The following KIF2A variants were observed in gnomAD, a reference collection of about 807,000 sequenced individuals.
KIF2A encodes kinesin-like protein KIF2A.
In KIF2A, 22 loss-of-function variants were observed where a neutral mutation model predicts 100.2. That is an observed-to-expected ratio of 0.22 (90% confidence interval 0.16 to 0.31). The LOEUF (loss-of-function observed/expected upper bound fraction) is 0.31, where lower values mean the gene tolerates loss of function less well. Ranked by LOEUF, KIF2A falls within the 10% of genes least tolerant of loss-of-function variation. The pLI, the probability that KIF2A is intolerant of heterozygous loss-of-function variation, is 1.00. For synonymous variants in KIF2A, 268 were observed against 285.9 expected, an observed-to-expected ratio of 0.94 and a Z score of 0.63; for missense variants, 495 against 898.7, an observed-to-expected ratio of 0.55 and a Z score of 5.74.
rs1002289307 is a variant in KIF2A, at chr5:62,385,468, CT to C, written c.2150-12del. On this transcript the variant is annotated splice_polypyrimidine_tract_variant and intron_variant, in intron 20 of 20. Coordinates refer to ENST00000407818, the MANE Select transcript of KIF2A (RefSeq NM_001098511.3). The stretch of plus-strand genomic sequence containing the variant: ...GTAATACAATACTTATTCCCTCTTT[CT>C]TTTCTTTTTCCAAGATAAAGTGAAA... The C allele has an allele frequency of 1.3e-6, 2 of 1,544,470 alleles. No individual in the cohort carries two copies. The highest frequency in any genetic ancestry group is 2.7e-5 in the African/African-American group (2 of 72,990).
intron 1 of KIF2A, chr5:62,308,320 T>C: frequency 7.1e-7 from 1 of 1,413,542 alleles, no homozygotes; most frequent in South Asian, 1.5e-5. Flanking sequence ...TAAATACGAG[T>C]TCACAGTATA....
intron 1 of KIF2A, among the ~76,000 whole-genome samples, chr5:62,307,922 T>A (rs1740148982): frequency 6.6e-6 from 1 of 152,132 alleles, no homozygotes; most frequent in Non-Finnish European, 1.5e-5. Flanking sequence ...CTGGCCTCGA[T>A]TCCTTTTATG....
At chr5:62,341,026 T>C (rs10074357) in intron 1 of KIF2A, among the ~76,000 whole-genome samples, 2 of 151,878 alleles carry the variant, frequency 1.3e-5, no homozygotes, top group Non-Finnish European at 2.9e-5. Context: ...GTTATCTGAT[T>C]AATTGGCAAA....
intron 1 of KIF2A, among the ~76,000 whole-genome samples, chr5:62,334,225 A>C (rs1746809725): frequency 6.6e-6 from 1 of 151,502 alleles, no homozygotes; most frequent in Non-Finnish European, 1.5e-5. Flanking sequence ...CAGTACCTCC[A>C]ATTTGACTCA....
chr5:62,372,511 CCTT>C lies in KIF2A; in HGVS notation c.1724_1726del (p.Ser575del), dbSNP rs2111983088. The stretch of plus-strand genomic sequence containing the variant: ...TAGTGGCAGTCGCCCTGATCTCTCT[CCTT>C]CTTATGAATATGACGACTTTTCTCC... On this transcript the variant is annotated inframe_deletion, in exon 17 of 21. Transcript: ENST00000407818. 10 of 1,612,416 alleles carry C rather than the reference CCTT, an allele frequency of 6.2e-6. No individual in the cohort carries two copies. The highest frequency in any genetic ancestry group is 8.5e-6 in the Non-Finnish European group (10 of 1,178,718).
In KIF2A at chr5:62,352,600, C is replaced by A; in HGVS notation, c.347C>A (p.Ala116Glu). 3 of 1,576,516 alleles carry A rather than the reference C, an allele frequency of 1.9e-6. No homozygotes were observed. The highest frequency in any genetic ancestry group is 2.6e-6 in the Non-Finnish European group (3 of 1,160,214). Residue 116 changes from alanine to glutamate, a missense_variant, in exon 5 of 21, where the codon GCA becomes GAA. By Grantham distance (107) the Ala-to-Glu change is moderately radical. Coordinates refer to ENST00000407818, the MANE Select transcript of KIF2A (RefSeq NM_001098511.3). ...PSRDNRVVGS[A>E]RARPSQFPEQ... ...TTTTTACTTACAGTGGTTGGTTCAGCACGTGCACGGCCCAGTCAATTTCCT... is the reference window on the plus strand; with the variant it reads ...TTTTTACTTACAGTGGTTGGTTCAGAACGTGCACGGCCCAGTCAATTTCCT...
In KIF2A at chr5:62,353,408, A is replaced by G. The variant is rs200784447; in HGVS notation, c.558+33A>G. ...ACATAAACATATATTTTGTTTATGT[A>G]CCAACCAGAGATTAGATTATATCAG... is the stretch of plus-strand genomic sequence containing the variant. On this transcript the variant is annotated intron_variant, in intron 6 of 20. Coordinates refer to ENST00000407818, the MANE Select transcript of KIF2A (RefSeq NM_001098511.3). 7.0e-4 allele frequency: 786 copies of G among 1,115,308 alleles called. 1 individual carries two copies. The highest frequency in any genetic ancestry group is 8.6e-4 in the Non-Finnish European group (683 of 791,152). 69.1% of individuals were successfully genotyped at this position (1,115,308 alleles called of 1,614,324 possible). A position where few individuals can be genotyped will look rare whatever the true frequency, so the allele number is the denominator to read the frequency against.
intron 1 of KIF2A, among the ~76,000 whole-genome samples, chr5:62,321,625 T>C (rs184778168): frequency 3.5e-4 from 53 of 152,340 alleles, no homozygotes; most frequent in African/African-American, 1.2e-3. Flanking sequence ...TGCAATGGTG[T>C]GATGTCAGTT....
rs1339507746 is a variant in KIF2A, at chr5:62,330,297, A to G, written c.65-16833A>G. Among the ~76,000 whole-genome samples the G allele has an allele frequency of 3.3e-5, 5 of 152,302 alleles. No homozygotes were observed. The South Asian group carries it at 1.0e-3, about 32-fold the overall frequency. On this transcript the variant is annotated intron_variant, in intron 1 of 20. Transcript: ENST00000407818. ...GCCCAGAAGGCAGAGGTTTCAGTGA[A>G]CTAAGATTGCACCATTCAACTCCAG...
intron 9 of KIF2A, among the ~76,000 whole-genome samples, chr5:62,359,179 A>C (rs1276134757): frequency 6.6e-6 from 1 of 152,168 alleles, no homozygotes; most frequent in Non-Finnish European, 1.5e-5. Context: ...TGGTATCTCA[A>C]ATTTTTATGC....
intron 15 of KIF2A, among the ~76,000 whole-genome samples, 170 bp from the exon 16 acceptor site, chr5:62,366,244 T>C (rs968388223): frequency 6.6e-6 from 1 of 152,198 alleles, no homozygotes; most frequent in Admixed American, 6.5e-5. Flanking sequence ...AACTAGACTT[T>C]ATCTGATTAT....
chr5:62,384,796 T>C (rs939655107), intron 20 of KIF2A, among the ~76,000 whole-genome samples: 2 of 151,948 alleles, frequency 1.3e-5, no homozygotes, highest in African/African-American at 2.4e-5. Flanking sequence ...GAGGACAAAA[T>C]GTAAATTTCT....
Position 62,390,838 on chromosome 5 carries a change from A to G in KIF2A, c.*5269A>G. 6.5e-7 allele frequency: 1 copy of G among 1,544,598 alleles called. No homozygotes were observed. Among genetic ancestry groups the G allele is most frequent in the Non-Finnish European group, 8.9e-7 (1 of 1,118,374 alleles). ...CTCCAATCTGAAGGTGTCACAGTAA[A>G]GAAATGTAAACACTTAGGAAAACAA... is the stretch of plus-strand genomic sequence containing the variant. On this transcript the variant is annotated 3_prime_UTR_variant, in exon 21 of 21. Coordinates refer to ENST00000407818, the MANE Select transcript of KIF2A (RefSeq NM_001098511.3).
chr5:62,317,992 A>G (rs1358167701), intron 1 of KIF2A, among the ~76,000 whole-genome samples: 1 of 152,232 alleles, frequency 6.6e-6, no homozygotes, highest in African/African-American at 2.4e-5. Context: ...ATATTAGATG[A>G]GCAACAATAT....
intron 1 of KIF2A, among the ~76,000 whole-genome samples, chr5:62,312,066 T>C (rs944880943): frequency 6.6e-5 from 10 of 152,218 alleles, no homozygotes; most frequent in African/African-American, 2.4e-4. Flanking sequence ...TTGTATACTT[T>C]AGTATTTCTT....
chr5:62,381,029 A>C (rs138538004), intron 19 of KIF2A, 89 bp from the exon 20 acceptor site: 246 of 927,838 alleles, frequency 2.7e-4, no homozygotes, highest in Non-Finnish European at 1.9e-4. Context: ...ATACTATCTT[A>C]AGTATGTTTG....
chr5:62,323,890 C>G (rs939802820), intron 1 of KIF2A, among the ~76,000 whole-genome samples: 5 of 151,864 alleles, frequency 3.3e-5, no homozygotes, highest in Admixed American at 1.3e-4. Context: ...AAAAATTAGC[C>G]GAGCATGGTG....
At chr5:62,307,861 A>G (rs1333257193) in intron 1 of KIF2A, among the ~76,000 whole-genome samples, 2 of 151,954 alleles carry the variant, frequency 1.3e-5, no homozygotes, top group African/African-American at 4.8e-5. Flanking sequence ...CAAGTGATCC[A>G]CCTGCCTCGG....
At chr5:62,308,585 A>G (rs1745421034) in intron 1 of KIF2A, 4 of 701,774 alleles carry the variant, frequency 5.7e-6, no homozygotes, top group Admixed American at 4.0e-5. Flanking sequence ...ACAATGGAAC[A>G]TTATTCAGCC....
Sources: gnomAD v4.1 joint callset for allele counts (sites outside exome capture counted in the v4.1 genomes callset) on GRCh38, gnomAD v4.1.1 for gene constraint, MANE v1.5 for transcripts, NCBI Gene and HGNC (gene_info 2026-07-23, HGNC 2026-07-21) for gene names.